C1orf50: variants seen among roughly 807,000 people sequenced by gnomAD.
C1orf50 encodes chromosome 1 open reading frame 50.
In C1orf50, 22 loss-of-function variants were observed where a neutral mutation model predicts 23.3. The observed-to-expected ratio is 0.94, with a 90% CI of 0.67 to 1.35. The LOEUF (loss-of-function observed/expected upper bound fraction) is 1.35. Among genes scored for constraint, C1orf50 ranks in the 40% most tolerant of loss-of-function variants. C1orf50 has a pLI of 0.00. For synonymous variants in C1orf50, 96 were observed against 102.4 expected (o/e 0.94, Z 0.38); for missense variants, 271 against 249.4 (o/e 1.09, Z -0.58).
intron 4 of C1orf50, 76 bp from the exon 5 acceptor site, chr1:42,775,133 T>C: frequency 7.3e-7 from 1 of 1,372,358 alleles, no homozygotes; most frequent in South Asian, 1.4e-5. Flanking sequence ...AAAAAGAGAT[T>C]GTGGCATGAT....
intron 2 of C1orf50, among the ~76,000 whole-genome samples, chr1:42,768,990 G>A (rs527743066): frequency 6.6e-6 from 1 of 152,290 alleles, no homozygotes; most frequent in Non-Finnish European, 1.5e-5. Context: ...TTGGCCAGGT[G>A]CCGTGGCTCA....
chr1:42,775,093 T>C (rs1653307082), intron 4 of C1orf50, 116 bp from the exon 5 acceptor site: 1 of 1,038,116 alleles, frequency 9.6e-7, no homozygotes, highest in Non-Finnish European at 1.4e-6. Context: ...GTTCCAAAGG[T>C]TGTTCTGACT....
chr1:42,769,050 A>G (rs917858775), intron 2 of C1orf50, among the ~76,000 whole-genome samples: 3 of 151,334 alleles, frequency 2.0e-5, no homozygotes, highest in Non-Finnish European at 4.4e-5. Flanking sequence ...GATCATTTGA[A>G]GTCAGGAGTT....
chr1:42,773,465 C>T, intron 2 of C1orf50, 98 bp from the exon 3 acceptor site: 1 of 740,192 alleles, frequency 1.4e-6, no homozygotes. Flanking sequence ...ATATTTTAGG[C>T]AGAAGCAAAA....
rs981886686 is a variant in C1orf50, at chr1:42,777,210, C to T, written c.*1816C>T. On this transcript the variant is annotated 3_prime_UTR_variant, in exon 5 of 5. Coordinates refer to ENST00000372525, the MANE Select transcript of C1orf50 (RefSeq NM_024097.4). ...CTCCTGGTTCAAGTGATTCTCCTGC[C>T]TCAGCCTCCTCAGTAGCTGAGATTA... 2 of 152,390 alleles carry T rather than the reference C, an allele frequency of 1.3e-5. No homozygotes were observed. The highest frequency in any genetic ancestry group is 4.8e-5 in the African/African-American group (2 of 41,460). 9.4% of individuals were successfully genotyped at this position (152,390 alleles called of 1,614,324 possible). A position where few individuals can be genotyped will look rare whatever the true frequency, so the allele number is the denominator to read the frequency against.
In C1orf50 at chr1:42,776,397, G is replaced by A. The variant is rs1307209808; in HGVS notation, c.*1003G>A. The A allele has an allele frequency of 2.0e-5, 3 of 152,114 alleles. No individual in the cohort carries two copies. Among genetic ancestry groups the A allele is most frequent in the African/African-American group, 7.2e-5 (3 of 41,400 alleles). 9.4% of individuals were successfully genotyped at this position (152,114 alleles called of 1,614,324 possible). ...ACTCTACCTTCTTTCCTATCTGTTT[G>A]GTGGAATTAGCTAAGTTTATGGATT... On this transcript the variant is annotated 3_prime_UTR_variant, in exon 5 of 5. Coordinates refer to ENST00000372525, the MANE Select transcript of C1orf50 (RefSeq NM_024097.4).
In C1orf50 at chr1:42,775,748, C is replaced by T. The variant is rs1333002304; in HGVS notation, c.*354C>T. On this transcript the variant is annotated 3_prime_UTR_variant, in exon 5 of 5. Coordinates refer to ENST00000372525, the MANE Select transcript of C1orf50 (RefSeq NM_024097.4). ...TTGGTGGATCGTTTTCCAGAGAGAACTGTTTTCAGTCTTTTATATATATAT... is the reference window on the plus strand; with the variant it reads ...TTGGTGGATCGTTTTCCAGAGAGAATTGTTTTCAGTCTTTTATATATATAT... 8.6e-6 allele frequency: 1 copy of T among 116,710 alleles called. No homozygotes were observed. Among genetic ancestry groups the T allele is most frequent in the East Asian group, 2.3e-4 (1 of 4,342 alleles). 7.2% of individuals were successfully genotyped at this position (116,710 alleles called of 1,614,324 possible).
intron 2 of C1orf50, 105 bp downstream of exon 2, chr1:42,767,729 C>T (rs1653109944): frequency 3.0e-6 from 3 of 1,010,880 alleles, no homozygotes; most frequent in African/African-American, 3.3e-5. Context: ...GTGGCATTTG[C>T]TCTTGTCTCC....
chr1:42,774,702 C>T (rs1653297003), intron 3 of C1orf50, 35 bp from the exon 4 acceptor site: 2 of 1,579,158 alleles, frequency 1.3e-6, no homozygotes, highest in Non-Finnish European at 1.7e-6. Context: ...CTGTTATCTC[C>T]AATACCTAAT....
In C1orf50 at chr1:42,775,139, A is replaced by G. The variant is rs1304994810; in HGVS notation, c.415-70A>G. 11 of 1,407,818 alleles carry G rather than the reference A, an allele frequency of 7.8e-6. No homozygotes were observed. In the South Asian group the frequency reaches 1.2e-4, roughly 15 times the overall value. The allele number at this position is 1,407,818 out of a possible 1,614,324, so 87.2% of individuals were successfully genotyped here. On this transcript the variant is annotated intron_variant, in intron 4 of 4. Coordinates refer to ENST00000372525, the MANE Select transcript of C1orf50 (RefSeq NM_024097.4). ...GAAAAGCCAAAAAAGAGATTGTGGCATGATTAGGAAATGAGCTCAGTTTGT... is the reference window on the plus strand; with the variant it reads ...GAAAAGCCAAAAAAGAGATTGTGGCGTGATTAGGAAATGAGCTCAGTTTGT...
At position 42,767,644 on chromosome 1, in the gene C1orf50, G is replaced by A; in HGVS notation, c.195+20G>A. 6 of 1,589,228 alleles carry A rather than the reference G, an allele frequency of 3.8e-6. No homozygotes were observed. The highest frequency in any genetic ancestry group is 4.3e-6 in the Non-Finnish European group (5 of 1,164,480). On this transcript the variant is annotated intron_variant, in intron 2 of 4. Transcript: ENST00000372525. ...CAGAAGGTGAGGAGGCGCGGCCGGG[G>A]CAGCGAATAACCATCTTCGTTCACG...
intron 2 of C1orf50, 93 bp from the exon 3 acceptor site, chr1:42,773,470 G>A (rs917489957): frequency 3.8e-6 from 3 of 785,092 alleles, no homozygotes; most frequent in Non-Finnish European, 6.2e-6. Context: ...TTAGGCAGAA[G>A]CAAAATATTA....
intron 2 of C1orf50, 22 bp downstream of exon 2, chr1:42,767,646 A>G (rs1000208421): frequency 1.3e-6 from 2 of 1,583,418 alleles, no homozygotes; most frequent in African/African-American, 1.3e-5. Flanking sequence ...CGGCCGGGGC[A>G]GCGAATAACC....
intron 2 of C1orf50, among the ~76,000 whole-genome samples, chr1:42,771,829 T>C (rs1007910137): frequency 6.6e-6 from 1 of 151,892 alleles, no homozygotes; most frequent in African/African-American, 2.4e-5. Flanking sequence ...AATACAAAAA[T>C]TAGCGGGGCA....
chr1:42,771,300 T>C (rs1391759536), intron 2 of C1orf50, among the ~76,000 whole-genome samples: 2 of 152,238 alleles, frequency 1.3e-5, no homozygotes, highest in African/African-American at 4.8e-5. Context: ...ACGTTGTTAG[T>C]GTGGCTGAGG....
Position 42,767,352 on chromosome 1 carries a change from T to C in C1orf50, c.41T>C (p.Leu14Pro). 1.3e-6 allele frequency: 2 copies of C among 1,537,534 alleles called. No individual in the cohort carries two copies. Among genetic ancestry groups the C allele is most frequent in the Non-Finnish European group, 1.7e-6 (2 of 1,146,578 alleles). ...GCGCCGGGGCGGACCGAGGGGGTCCTTGAAAGGCAAGGAGCGCCGCCAGCT... is the reference window on the plus strand; with the variant it reads ...GCGCCGGGGCGGACCGAGGGGGTCCCTGAAAGGCAAGGAGCGCCGCCAGCT... Reference protein sequence around the residue: ...AAAPGRTEGVLERQGAPPAAG... With the variant: ...AAAPGRTEGVPERQGAPPAAG... Residue 14 changes from leucine to proline, a missense_variant, in exon 1 of 5, where the codon CTT becomes CCT. Leu to Pro is a moderately conservative substitution (Grantham distance 98, BLOSUM62 -3). Coordinates refer to ENST00000372525, the MANE Select transcript of C1orf50 (RefSeq NM_024097.4).
At chr1:42,774,685 T>A in intron 3 of C1orf50, 52 bp from the exon 4 acceptor site, 4 of 1,555,884 alleles carry the variant, frequency 2.6e-6, no homozygotes, top group Non-Finnish European at 3.5e-6. Context: ...TCACCAAATG[T>A]GGGTGCCTGT....
chr1:42,775,448 G>A lies in C1orf50; in HGVS notation c.*54G>A. 1.4e-6 allele frequency: 2 copies of A among 1,479,222 alleles called. No homozygotes were observed. Among genetic ancestry groups the A allele is most frequent in the Non-Finnish European group, 1.8e-6 (2 of 1,088,190 alleles). The allele number at this position is 1,479,222 out of a possible 1,614,324, so 91.6% of individuals were successfully genotyped here. A position where few individuals can be genotyped will look rare whatever the true frequency, so the allele number is the denominator to read the frequency against. On this transcript the variant is annotated 3_prime_UTR_variant, in exon 5 of 5. Coordinates refer to ENST00000372525, the MANE Select transcript of C1orf50 (RefSeq NM_024097.4). Reference sequence around the variant, plus strand: ...GGACCTGGCTGTCAACCTCCTTGTTGCCCCCACTGTTGCCTTGAGAATTGA... The same window carrying A: ...GGACCTGGCTGTCAACCTCCTTGTTACCCCCACTGTTGCCTTGAGAATTGA...
intron 2 of C1orf50, among the ~76,000 whole-genome samples, chr1:42,769,098 T>C (rs1385637558): frequency 6.6e-6 from 1 of 152,004 alleles, no homozygotes; most frequent in Non-Finnish European, 1.5e-5. Context: ...ACCCCGTCTC[T>C]ACTAAAAGGT....
Sources: allele counts gnomAD v4.1 joint callset (sites outside exome capture counted in the v4.1 genomes callset), GRCh38; gene constraint gnomAD v4.1.1; transcripts MANE v1.5; gene names NCBI Gene and HGNC (gene_info 2026-07-23, HGNC 2026-07-21).